Variants in INTS7 observed in about 807,000 individuals in gnomAD.
INTS7 encodes integrator complex subunit 7, also known as chromosome 1 open reading frame 73.
Under a neutral mutation model 109.2 loss-of-function variants are expected in INTS7, and 46 were observed. That is an observed-to-expected ratio of 0.42 (90% CI 0.33 to 0.54). The LOEUF (loss-of-function observed/expected upper bound fraction) is 0.54, where lower values mean the gene tolerates loss of function less well. INTS7 is among the 20% of genes least tolerant of loss of function. The pLI, the probability that INTS7 is intolerant of heterozygous loss-of-function variation, is 0.07. For synonymous variants in INTS7, 412 were observed against 402.9 expected, an observed-to-expected ratio of 1.02 and a Z score of -0.27; for missense variants, 929 against 1,132.4, an observed-to-expected ratio of 0.82 and a Z score of 2.58.
At chr1:212,001,398 G>T (rs924515703) in intron 7 of INTS7, among the ~76,000 whole-genome samples, 2 of 151,996 alleles carry the variant, frequency 1.3e-5, no homozygotes, top group Non-Finnish European at 2.9e-5. Context: ...CAATATTCAT[G>T]GGTTCCGCAT....
rs1340079702 is a variant in INTS7 at position 211,982,766 on chromosome 1, C to A, written c.1042G>T (p.Ala348Ser). Residue 348 changes from alanine to serine, a missense_variant, in exon 9 of 20, where the codon GCC (alanine) becomes TCC (serine). Ala to Ser is a moderately conservative substitution (Grantham distance 99, BLOSUM62 1). This residue lies in a region of INTS7 where 787 missense variants were observed against 901.1 expected (regional missense o/e 0.87). Transcript: ENST00000366994. ...TTATTATGGTAACAGCACTCTTGGG[C>A]TAATTTGACTAAATCAGAAGATCTG... ...SPRSSDLVKL[A>S]QECCYHNNRG... 3 of 1,610,782 alleles carry A rather than the reference C, an allele frequency of 1.9e-6. No homozygotes were observed. The highest frequency in any genetic ancestry group is 2.5e-6 in the Non-Finnish European group (3 of 1,177,844).
At chr1:212,020,017 A>C (rs1193106325) in intron 3 of INTS7, 105 bp downstream of exon 3, 4 of 793,938 alleles carry the variant, frequency 5.0e-6, no homozygotes, top group Non-Finnish European at 7.3e-6. Context: ...AAAAAACATA[A>C]ACAACTCCTA....
At chr1:212,033,887 A>G (rs1667287253) in intron 1 of INTS7, among the ~76,000 whole-genome samples, 1 of 152,190 alleles carries the variant, frequency 6.6e-6, no homozygotes, top group African/African-American at 2.4e-5. Context: ...GTTGGAGACC[A>G]GCCTGGCCAA....
Position 211,941,989 on chromosome 1 carries a change from A to T in INTS7, c.2724T>A (p.Ser908=). 1.9e-6 allele frequency: 3 copies of T among 1,614,220 alleles called. No individual in the cohort carries two copies. The South Asian group carries it at 3.3e-5, about 18-fold the overall frequency. The change falls in exon 20 of 20, where the codon TCT becomes TCA. Residue 908 remains serine (S), a synonymous_variant. Transcript: ENST00000366994. Reference sequence around the variant, plus strand: ...CTATACCATTGGCATCTTTCACAGAAGATTCCACTGTAATGTTGTGTGTTC... The same window carrying T: ...CTATACCATTGGCATCTTTCACAGATGATTCCACTGTAATGTTGTGTGTTC... ...ILGTHNITVE[S]SVKDANGIVW...
chr1:212,016,531 T>C (rs1666450488), intron 4 of INTS7, among the ~76,000 whole-genome samples: 1 of 152,202 alleles, frequency 6.6e-6, no homozygotes, highest in African/African-American at 2.4e-5. Context: ...AAATTAACAT[T>C]AGAAGACAGT....
At chr1:212,012,819 G>A (rs1666219002) in intron 4 of INTS7, among the ~76,000 whole-genome samples, 1 of 152,036 alleles carries the variant, frequency 6.6e-6, no homozygotes. Context: ...GAACACAAGA[G>A]AAAAACTGAA....
chr1:211,964,581 T>C (rs1663785073), intron 16 of INTS7, among the ~76,000 whole-genome samples: 1 of 152,186 alleles, frequency 6.6e-6, no homozygotes, highest in African/African-American at 2.4e-5. Context: ...ACTACAAGTC[T>C]ACAGTAACCT....
At chr1:211,994,185 T>C (rs1260033925) in intron 7 of INTS7, among the ~76,000 whole-genome samples, 1 of 152,100 alleles carries the variant, frequency 6.6e-6, no homozygotes, top group African/African-American at 2.4e-5. Context: ...AAAATAATGA[T>C]GGAAGAAATA....
intron 3 of INTS7, 120 bp from the exon 4 acceptor site, chr1:212,017,143 CCA>C: frequency 1.5e-6 from 1 of 651,396 alleles, no homozygotes; most frequent in Non-Finnish European, 2.5e-6. Flanking sequence ...CTATGTAACT[CCA>C]GTTAATAAAG....
At chr1:211,951,774 T>C (rs1367771615) in intron 17 of INTS7, among the ~76,000 whole-genome samples, 1 of 152,214 alleles carries the variant, frequency 6.6e-6, no homozygotes, top group East Asian at 1.9e-4. Flanking sequence ...TCCAAAACTG[T>C]GAGAAATAAA....
chr1:212,010,085 C>CT (rs1277546519), intron 5 of INTS7, among the ~76,000 whole-genome samples: 1 of 152,198 alleles, frequency 6.6e-6, no homozygotes, highest in Non-Finnish European at 1.5e-5. Context: ...AAGTTATCAG[C>CT]TTTTTTACTG....
chr1:211,954,174 GT>G (rs1663248078), intron 16 of INTS7, among the ~76,000 whole-genome samples: 1 of 152,172 alleles, frequency 6.6e-6, no homozygotes, highest in African/African-American at 2.4e-5. Context: ...TTTTTCATGT[GT>G]TTTTTGGCTG....
At chr1:211,962,258 A>AT (rs1482852677) in intron 16 of INTS7, among the ~76,000 whole-genome samples, 1 of 119,192 alleles carries the variant, frequency 8.4e-6, no homozygotes, top group African/African-American at 3.0e-5. Flanking sequence ...ACCAACAAAG[A>AT]TTAAAAAAAA....
intron 16 of INTS7, among the ~76,000 whole-genome samples, chr1:211,953,837 T>C (rs1485578346): frequency 6.6e-6 from 1 of 151,966 alleles, no homozygotes; most frequent in African/African-American, 2.4e-5. Flanking sequence ...TCTTTGCTAT[T>C]GTGAATAGTG....
chr1:211,971,397 AACAC>A (rs1664160879), intron 13 of INTS7, among the ~76,000 whole-genome samples: 1 of 152,240 alleles, frequency 6.6e-6, no homozygotes, highest in Non-Finnish European at 1.5e-5. Context: ...AATGCTTATC[AACAC>A]TATAGAGTGG....
At chr1:212,029,049 C>G (rs1667046617) in intron 1 of INTS7, among the ~76,000 whole-genome samples, 1 of 152,138 alleles carries the variant, frequency 6.6e-6, no homozygotes, top group Non-Finnish European at 1.5e-5. Context: ...TGGTGGAATT[C>G]TGAGGTGATG....
chr1:212,021,219 A>G lies in INTS7; in HGVS notation c.95-7T>C, dbSNP rs540387810. ...AGTTTGCCAGATCTTAGGCCTATGG[A>G]AAAAAAAAAGCACAGAGAGGGAAGA... On this transcript the variant is annotated splice_region_variant and splice_polypyrimidine_tract_variant and intron_variant, in intron 1 of 19. Coordinates refer to ENST00000366994, the MANE Select transcript of INTS7 (RefSeq NM_015434.4). 1.7e-5 allele frequency: 25 copies of G among 1,446,544 alleles called. No homozygotes were observed. The African/African-American group carries it at 2.8e-4, about 16-fold the overall frequency. 89.6% of individuals were successfully genotyped at this position (1,446,544 alleles called of 1,614,324 possible). A position where few individuals can be genotyped will look rare whatever the true frequency, so the allele number is the denominator to read the frequency against.
Position 211,989,745 on chromosome 1 carries a change from C to A in INTS7, c.880-1742G>T, listed in dbSNP as rs139025281. On this transcript the variant is annotated intron_variant, in intron 7 of 19. Transcript: ENST00000366994. ...GCTGAGGCAGGAGAATCGCTTGAAC[C>A]CAGGAGACAGAGGTTGCAGTGAGCC... is the stretch of plus-strand genomic sequence containing the variant. 7.6e-3 allele frequency among the ~76,000 whole-genome samples: 1,145 copies of A among 151,468 alleles called. 16 individuals carry two copies. Among genetic ancestry groups the A allele is most frequent in the African/African-American group, 0.027 (1,097 of 41,238 alleles).
intron 7 of INTS7, among the ~76,000 whole-genome samples, chr1:211,988,292 C>G (rs376948663): frequency 9.2e-5 from 14 of 151,462 alleles, no homozygotes; most frequent in Non-Finnish European, 1.8e-4. Flanking sequence ...TATGGTGGTA[C>G]GTGCCTGTGG....
Sources: allele counts gnomAD v4.1 joint callset (sites outside exome capture counted in the v4.1 genomes callset), GRCh38; gene constraint gnomAD v4.1.1; regional missense constraint gnomAD v4.1.1; transcripts MANE v1.5; gene names NCBI Gene and HGNC (gene_info 2026-07-23, HGNC 2026-07-21).